L3MBTL1: variants seen among roughly 807,000 people sequenced by gnomAD.
L3MBTL1 encodes the protein lethal(3)malignant brain tumor-like protein 1.
A neutral mutation model predicts 105.3 loss-of-function variants in L3MBTL1; 75 were observed. The ratio of observed to expected loss-of-function variants is 0.71; its 90% confidence interval spans 0.59 to 0.86. L3MBTL1 has a LOEUF of 0.86. Ranked by LOEUF, L3MBTL1 falls within the 40% of genes least tolerant of loss-of-function variation. L3MBTL1 has a pLI of 0.00. For synonymous variants in L3MBTL1, 452 were observed against 436.2 expected (o/e 1.04, Z -0.45); for missense variants, 1,069 against 1,126.4 (o/e 0.95, Z 0.73).
At position 43,534,016 on chromosome 20, in the gene L3MBTL1, G is replaced by A. The variant is rs776878089; in HGVS notation, c.1522G>A (p.Asp508Asn). 2 of 1,613,862 alleles carry A rather than the reference G, an allele frequency of 1.2e-6. No individual in the cohort carries two copies. The highest frequency in any genetic ancestry group is 8.5e-7 in the Non-Finnish European group (1 of 1,179,806). The change falls in exon 14 of 22, where the codon GAC becomes AAC. Residue 508 changes from aspartate to asparagine, a missense_variant. By Grantham distance (23) the Asp-to-Asn change is conservative (BLOSUM62 1). Coordinates refer to ENST00000418998, the MANE Select transcript of L3MBTL1 (RefSeq NM_001377303.1). ...CTCATCCTCTCCTCCAGACTACCCA[G>A]ACCCTGATAACTTCTGTTGGGAGAA... Reference protein sequence around the residue: ...KPLTPPQDYPDPDNFCWEKYL... With the variant: ...KPLTPPQDYPNPDNFCWEKYL...
chr20:43,521,945 C>T (rs1352488105), intron 7 of L3MBTL1, among the ~76,000 whole-genome samples: 4 of 152,202 alleles, frequency 2.6e-5, no homozygotes, highest in Admixed American at 6.5e-5. Flanking sequence ...AGCAAAAGAA[C>T]AGATATCCTA....
chr20:43,542,630 A>G (rs1380202879), downstream of L3MBTL1, among the ~76,000 whole-genome samples: 3 of 134,630 alleles, frequency 2.2e-5, no homozygotes, highest in South Asian at 7.4e-4. Context: ...AAAAAAAAAA[A>G]GAAAAGAAAA....
intron 11 of L3MBTL1, 193 bp downstream of exon 11, chr20:43,531,082 T>C: frequency 1.7e-6 from 1 of 576,310 alleles, no homozygotes; most frequent in Non-Finnish European, 3.1e-6. Context: ...GGTTATAGGT[T>C]TTTCCCGACT....
chr20:43,539,941 C>CT (rs1207570720), intron 19 of L3MBTL1: 19 of 647,834 alleles, frequency 2.9e-5, no homozygotes, highest in Non-Finnish European at 5.0e-5. Context: ...ACCTGAGAGT[C>CT]TTTAAGAGAG....
intron 7 of L3MBTL1, among the ~76,000 whole-genome samples, chr20:43,518,506 A>G (rs1182294812): frequency 6.6e-6 from 1 of 152,150 alleles, no homozygotes; most frequent in Non-Finnish European, 1.5e-5. Context: ...TTTGTGAATG[A>G]TGATTTTCTA....
At chr20:43,527,297 A>G (rs2019081498) in intron 7 of L3MBTL1, among the ~76,000 whole-genome samples, 1 of 152,204 alleles carries the variant, frequency 6.6e-6, no homozygotes, top group African/African-American at 2.4e-5. Context: ...AGGGATATGA[A>G]TTGATTCTTG....
chr20:43,540,637 G>A, intron 20 of L3MBTL1, 116 bp from the exon 21 acceptor site: 2 of 1,007,746 alleles, frequency 2.0e-6, no homozygotes, highest in East Asian at 2.5e-5. Flanking sequence ...ATCCTTTTAG[G>A]CTGGTGAGAA....
intron 7 of L3MBTL1, among the ~76,000 whole-genome samples, chr20:43,528,445 T>A (rs1440345623): frequency 6.6e-6 from 1 of 152,106 alleles, no homozygotes; most frequent in Non-Finnish European, 1.5e-5. Flanking sequence ...GGGGGGGAAG[T>A]GACGGGCAGA....
chr20:43,524,323 C>T (rs2018901404), intron 7 of L3MBTL1, among the ~76,000 whole-genome samples: 2 of 152,104 alleles, frequency 1.3e-5, no homozygotes, highest in South Asian at 4.2e-4. Context: ...GTTTTTGATA[C>T]ATAGTTATTT....
At chr20:43,508,186 TTC>T (rs1309768202) in intron 1 of L3MBTL1, among the ~76,000 whole-genome samples, 7 of 151,514 alleles carry the variant, frequency 4.6e-5, no homozygotes, top group South Asian at 2.1e-4. Flanking sequence ...TTTTTTTTGT[TTC>T]TCTCTCTTTT....
intron 7 of L3MBTL1, among the ~76,000 whole-genome samples, chr20:43,524,681 CTT>C (rs2018925476): frequency 6.6e-6 from 1 of 150,630 alleles, no homozygotes; most frequent in Admixed American, 6.6e-5. Flanking sequence ...TTATGTAAGT[CTT>C]GTGCTAGGTG....
chr20:43,542,509 G>C (rs759748021), downstream of L3MBTL1, among the ~76,000 whole-genome samples: 1 of 147,830 alleles, frequency 6.8e-6, no homozygotes, highest in Admixed American at 6.9e-5. Flanking sequence ...CATCTTGAAA[G>C]TACAATTTCA....
At chr20:43,512,369 G>A (rs775980069) in intron 1 of L3MBTL1, among the ~76,000 whole-genome samples, 8 of 152,020 alleles carry the variant, frequency 5.3e-5, no homozygotes, top group Non-Finnish European at 1.2e-4. Context: ...AGCTACTGTC[G>A]CTATTTATTT....
chr20:43,528,540 G>A (rs2019151005), intron 7 of L3MBTL1, 117 bp from the exon 8 acceptor site: 1 of 745,678 alleles, frequency 1.3e-6, no homozygotes, highest in Non-Finnish European at 2.3e-6. Context: ...GAGGGTACAT[G>A]TGAACACAGA....
intron 7 of L3MBTL1, among the ~76,000 whole-genome samples, chr20:43,527,773 G>A (rs2019109795): frequency 6.6e-6 from 1 of 151,444 alleles, no homozygotes; most frequent in Admixed American, 6.6e-5. Context: ...AGACTGGAGT[G>A]CAGTGGCATG....
At chr20:43,523,609 CTA>C (rs2018853127) in intron 7 of L3MBTL1, 2 of 218,410 alleles carry the variant, frequency 9.2e-6, no homozygotes, top group Non-Finnish European at 1.9e-5. Flanking sequence ...AGACAGTAGA[CTA>C]TAGCAGGCCT....
rs2019063943 is a variant in L3MBTL1 at position 43,526,955 on chromosome 20, CAAACAA to C, written c.863-1692_863-1687del. ...GAGTGAGACTCTGTCTCAAAACAGACAAACAAAAACAAAAAACAGGTGCCTCTAGCC... is the reference window on the plus strand; with the variant it reads ...GAGTGAGACTCTGTCTCAAAACAGACAAACAAAAAACAGGTGCCTCTAGCC... On this transcript the variant is annotated intron_variant, in intron 7 of 21. Coordinates refer to ENST00000418998, the MANE Select transcript of L3MBTL1 (RefSeq NM_001377303.1). 2.0e-5 allele frequency among the ~76,000 whole-genome samples: 3 copies of C among 152,176 alleles called. No individual in the cohort carries two copies. In the South Asian group the frequency reaches 6.2e-4, roughly 32 times the overall value.
At position 43,534,277 on chromosome 20, in the gene L3MBTL1, T is replaced by C. The variant is rs2019491286; in HGVS notation, c.1600-7T>C. 2 of 1,612,746 alleles carry C rather than the reference T, an allele frequency of 1.2e-6. No homozygotes were observed. Among genetic ancestry groups the C allele is most frequent in the Non-Finnish European group, 1.7e-6 (2 of 1,179,320 alleles). ...CCTTGCCCTGAAGGCAGCTGTCCCC[T>C]CTGCAGCGACCCCCTCACAGCTTCC... On this transcript the variant is annotated splice_polypyrimidine_tract_variant and splice_region_variant and intron_variant, in intron 14 of 21. Coordinates refer to ENST00000418998, the MANE Select transcript of L3MBTL1 (RefSeq NM_001377303.1).
chr20:43,515,417 T>A lies in L3MBTL1; in HGVS notation c.777+2T>A. ...GAGGAGTCGGAGCCAGAGGCCATGG[T>A]AGGAAGAGGGCAGTGGGGAAGGGAG... is the stretch of plus-strand genomic sequence containing the variant. On this transcript the variant is annotated splice_donor_variant, in intron 6 of 21. Transcript: ENST00000418998. LOFTEE classifies it high-confidence loss of function. The A allele has an allele frequency of 6.4e-7, 1 of 1,555,240 alleles. No homozygotes were observed. The highest frequency in any genetic ancestry group is 8.7e-7 in the Non-Finnish European group (1 of 1,148,440).
Sources: allele counts gnomAD v4.1 joint callset (sites outside exome capture counted in the v4.1 genomes callset), GRCh38; gene constraint gnomAD v4.1.1; transcripts MANE v1.5; gene names NCBI Gene and HGNC (gene_info 2026-07-23, HGNC 2026-07-21).